Variants in YPEL3 observed in about 807,000 individuals in gnomAD.
YPEL3 encodes the protein protein yippee-like 3.
In YPEL3, 5 loss-of-function variants were observed where a neutral mutation model predicts 17.5. The observed-to-expected ratio is 0.29, with a 90% CI of 0.15 to 0.60. The LOEUF (loss-of-function observed/expected upper bound fraction) is 0.60. Among genes scored for constraint, YPEL3 ranks in the 20% least tolerant of loss-of-function variants. YPEL3 has a pLI of 0.87. For synonymous variants in YPEL3, 87 were observed against 87.2 expected, an observed-to-expected ratio of 1.00 and a Z score of 0.01; for missense variants, 155 against 211.4, an observed-to-expected ratio of 0.73 and a Z score of 1.65.
In YPEL3 at chr16:30,095,512, G is replaced by T. The variant is rs1596862651; in HGVS notation, c.-30C>A. 3 of 1,454,752 alleles carry T rather than the reference G, an allele frequency of 2.1e-6. No homozygotes were observed. The highest frequency in any genetic ancestry group is 2.7e-6 in the Non-Finnish European group (3 of 1,097,674). 90.1% of individuals were successfully genotyped at this position (1,454,752 alleles called of 1,614,324 possible). ...GGCACTCCCAGAGCCGTGGGGACTCGCTCTGTCACACTGGGCTGCTCTCTC... is the reference window on the plus strand; with the variant it reads ...GGCACTCCCAGAGCCGTGGGGACTCTCTCTGTCACACTGGGCTGCTCTCTC... On this transcript the variant is annotated 5_prime_UTR_variant, in exon 1 of 4. Transcript: ENST00000398841. The surrounding 1 kb of genome is among the most constrained non-coding windows in gnomAD (Gnocchi z 5.4).
Position 30,092,792 on chromosome 16 carries a change from G to A in YPEL3, c.392C>T (p.Ala131Val), listed in dbSNP as rs373399618. The change falls in exon 4 of 4, where the codon GCC becomes GTC. Residue 131 changes from alanine to valine, a missense_variant. Coordinates refer to ENST00000398841, the MANE Select transcript of YPEL3 (RefSeq NM_031477.5). ...TTTGTACTTCTGGCTGCTCTCAAAGGCCTGTTCCTGAAAGGAGGGGCGGGA... is the reference window on the plus strand; with the variant it reads ...TTTGTACTTCTGGCTGCTCTCAAAGACCTGTTCCTGAAAGGAGGGGCGGGA... ...KTTLGWKYEQ[A>V]FESSQKYKEG... 1 of 1,614,088 alleles carries A rather than the reference G, an allele frequency of 6.2e-7. No individual in the cohort carries two copies. The highest frequency in any genetic ancestry group is 1.1e-5 in the South Asian group (1 of 91,078).
intron 2 of YPEL3, 74 bp from the exon 3 acceptor site, chr16:30,094,971 C>T (rs1052999709): frequency 6.3e-7 from 1 of 1,598,254 alleles, no homozygotes; most frequent in Non-Finnish European, 8.6e-7. Flanking sequence ...CTGTGTCTGT[C>T]CTCAGCATCC....
Position 30,093,113 on chromosome 16 carries a change from T to C in YPEL3, c.385-314A>G, listed in dbSNP as rs1224100927. On this transcript the variant is annotated intron_variant, in intron 3 of 3. Coordinates refer to ENST00000398841, the MANE Select transcript of YPEL3 (RefSeq NM_031477.5). Reference sequence around the variant, plus strand: ...GTATTATGTTTGGACAGCAGACAGTTTAATAAAAATAACTTTAAAGTATTA... The same window carrying C: ...GTATTATGTTTGGACAGCAGACAGTCTAATAAAAATAACTTTAAAGTATTA... 2.6e-5 allele frequency among the ~76,000 whole-genome samples: 4 copies of C among 152,342 alleles called. No homozygotes were observed. The East Asian group carries it at 7.7e-4, about 29-fold the overall frequency.
intron 3 of YPEL3, 45 bp downstream of exon 3, chr16:30,094,740 TGGAA>T (rs1272594393): frequency 6.4e-7 from 1 of 1,555,646 alleles, no homozygotes. Context: ...GAGGAGGTGT[TGGAA>T]GGTCAGGTCA....
At chr16:30,093,274 G>GCACA (rs1304008369) in intron 3 of YPEL3, among the ~76,000 whole-genome samples, 3 of 152,018 alleles carry the variant, frequency 2.0e-5, no homozygotes, top group African/African-American at 7.2e-5. Flanking sequence ...TTGTTTGTTT[G>GCACA]GTTTTGAGAG....
At position 30,094,698 on chromosome 16, in the gene YPEL3, A is replaced by G; in HGVS notation, c.384+91T>C. ...GACTTGTGTGAGCTCGGCCTATGCA[A>G]TCTGAAAGGCTATAGGGTGACAGCT... On this transcript the variant is annotated intron_variant, in intron 3 of 3. Coordinates refer to ENST00000398841, the MANE Select transcript of YPEL3 (RefSeq NM_031477.5). 3 of 1,214,912 alleles carry G rather than the reference A, an allele frequency of 2.5e-6. No homozygotes were observed. The South Asian group carries it at 3.6e-5, about 15-fold the overall frequency. 75.3% of individuals were successfully genotyped at this position (1,214,912 alleles called of 1,614,324 possible). A position where few individuals can be genotyped will look rare whatever the true frequency, so the allele number is the denominator to read the frequency against.
Position 30,095,542 on chromosome 16 carries a change from C to T in YPEL3, c.-60G>A. 7.3e-7 allele frequency: 1 copy of T among 1,370,178 alleles called. No individual in the cohort carries two copies. The highest frequency in any genetic ancestry group is 9.7e-7 in the Non-Finnish European group (1 of 1,035,746). 84.9% of individuals were successfully genotyped at this position (1,370,178 alleles called of 1,614,324 possible). A position where few individuals can be genotyped will look rare whatever the true frequency, so the allele number is the denominator to read the frequency against. ...GTCACACTGGGCTGCTCTCTCCTTT[C>T]CCCAGAGCCAGCAGCCTCTCCGGGG... On this transcript the variant is annotated 5_prime_UTR_variant, in exon 1 of 4. Coordinates refer to ENST00000398841, the MANE Select transcript of YPEL3 (RefSeq NM_031477.5). This position sits in a 1 kb window ranked among gnomAD's most constrained non-coding sequence, Gnocchi z 5.4.
chr16:30,095,499 GC>G lies in YPEL3; in HGVS notation c.-18del. Reference sequence around the variant, plus strand: ...CACACACATGCGAGGCACTCCCAGAGCCGTGGGGACTCGCTCTGTCACACTG... The same window carrying G: ...CACACACATGCGAGGCACTCCCAGAGCGTGGGGACTCGCTCTGTCACACTG... On this transcript the variant is annotated 5_prime_UTR_variant, in exon 1 of 4. Coordinates refer to ENST00000398841, the MANE Select transcript of YPEL3 (RefSeq NM_031477.5). The surrounding 1 kb of genome is among the most constrained non-coding windows in gnomAD (Gnocchi z 5.4). 1 of 1,479,442 alleles carries G rather than the reference GC, an allele frequency of 6.8e-7. No individual in the cohort carries two copies. Among genetic ancestry groups the G allele is most frequent in the Non-Finnish European group, 9.0e-7 (1 of 1,113,716 alleles). The allele number at this position is 1,479,442 out of a possible 1,614,324, so 91.6% of individuals were successfully genotyped here. A position where few individuals can be genotyped will look rare whatever the true frequency, so the allele number is the denominator to read the frequency against.
Position 30,092,371 on chromosome 16 carries a change from C to A in YPEL3, c.*339G>T, listed in dbSNP as rs1274797439. On this transcript the variant is annotated 3_prime_UTR_variant, in exon 4 of 4. Coordinates refer to ENST00000398841, the MANE Select transcript of YPEL3 (RefSeq NM_031477.5). ...CGCTACAGAACGAGGGGGACAGACA[C>A]GCGTGGGGTAAGAAGGGCCTGGTGG... is the stretch of plus-strand genomic sequence containing the variant. 3.3e-6 allele frequency: 1 copy of A among 299,744 alleles called. No individual in the cohort carries two copies. The highest frequency in any genetic ancestry group is 6.4e-6 in the Non-Finnish European group (1 of 156,698). 18.6% of individuals were successfully genotyped at this position (299,744 alleles called of 1,614,324 possible). A position where few individuals can be genotyped will look rare whatever the true frequency, so the allele number is the denominator to read the frequency against.
At chr16:30,092,882 C>T in intron 3 of YPEL3, 83 bp from the exon 4 acceptor site, 1 of 1,205,838 alleles carries the variant, frequency 8.3e-7, no homozygotes, top group Non-Finnish European at 1.2e-6. Flanking sequence ...CATGAGTGGC[C>T]CCATTTTACA....
Position 30,095,637 on chromosome 16 carries a change from G to A in YPEL3, c.-155C>T, listed in dbSNP as rs1258453015. 6 of 655,210 alleles carry A rather than the reference G, an allele frequency of 9.2e-6. No individual in the cohort carries two copies. The highest frequency in any genetic ancestry group is 3.1e-5 in the Admixed American group (1 of 31,968). The allele number at this position is 655,210 out of a possible 1,614,324, so 40.6% of individuals were successfully genotyped here. ...GCATCCATGGGGAAACTGAGGCTCG[G>A]AGGTGCCCAGGGTGAGTCACCCGCC... On this transcript the variant is annotated 5_prime_UTR_variant, in exon 1 of 4. Coordinates refer to ENST00000398841, the MANE Select transcript of YPEL3 (RefSeq NM_031477.5). The surrounding 1 kb of genome is among the most constrained non-coding windows in gnomAD (Gnocchi z 5.4).
Position 30,095,498 on chromosome 16 carries a change from AGCCGTGGGGACT to A in YPEL3, c.-28_-17del. 6.8e-7 allele frequency: 1 copy of A among 1,479,534 alleles called. No individual in the cohort carries two copies. Among genetic ancestry groups the A allele is most frequent in the Non-Finnish European group, 9.0e-7 (1 of 1,113,730 alleles). The allele number at this position is 1,479,534 out of a possible 1,614,324, so 91.7% of individuals were successfully genotyped here. ...CCACACACATGCGAGGCACTCCCAG[AGCCGTGGGGACT>A]CGCTCTGTCACACTGGGCTGCTCTC... On this transcript the variant is annotated 5_prime_UTR_variant, in exon 1 of 4. Coordinates refer to ENST00000398841, the MANE Select transcript of YPEL3 (RefSeq NM_031477.5). The surrounding 1 kb of genome is among the most constrained non-coding windows in gnomAD (Gnocchi z 5.4).
chr16:30,094,672 T>C (rs2072773963), intron 3 of YPEL3, 117 bp downstream of exon 3: 2 of 961,752 alleles, frequency 2.1e-6, no homozygotes, highest in East Asian at 4.9e-5. Context: ...TCAGGGATGC[T>C]GACTTGTGTG....
At chr16:30,093,816 C>G (rs1191930921) in intron 3 of YPEL3, 1 of 151,070 alleles carries the variant, frequency 6.6e-6, no homozygotes, top group African/African-American at 2.4e-5. Flanking sequence ...TCTCAATCTC[C>G]TGACCTTGTG....
intron 3 of YPEL3, chr16:30,094,526 C>T: frequency 4.0e-6 from 2 of 505,794 alleles, no homozygotes; most frequent in Non-Finnish European, 7.2e-6. Context: ...CAGTGCAAGG[C>T]ACATAAACAT....
In YPEL3 at chr16:30,092,659, C is replaced by T; in HGVS notation, c.*51G>A. On this transcript the variant is annotated 3_prime_UTR_variant, in exon 4 of 4. Transcript: ENST00000398841. ...TTCGGGTGGCGGGAAGCCAGTGGCG[C>T]TCCCTGGCGGCCAGGCCGGGCTGGA... 6.3e-7 allele frequency: 1 copy of T among 1,588,812 alleles called. No individual in the cohort carries two copies. The highest frequency in any genetic ancestry group is 8.6e-7 in the Non-Finnish European group (1 of 1,158,788).
chr16:30,093,513 A>T (rs1018145855), intron 3 of YPEL3, among the ~76,000 whole-genome samples: 1 of 151,980 alleles, frequency 6.6e-6, no homozygotes, highest in East Asian at 1.9e-4. Context: ...CACCTGCCTC[A>T]GACTCCCAAA....
rs2072739644 is a variant in YPEL3 at position 30,092,367 on chromosome 16, G to A, written c.*343C>T. 3.4e-6 allele frequency: 1 copy of A among 294,496 alleles called. No homozygotes were observed. Among genetic ancestry groups the A allele is most frequent in the South Asian group, 5.5e-5 (1 of 18,072 alleles). 18.2% of individuals were successfully genotyped at this position (294,496 alleles called of 1,614,324 possible). A position where few individuals can be genotyped will look rare whatever the true frequency, so the allele number is the denominator to read the frequency against. On this transcript the variant is annotated 3_prime_UTR_variant, in exon 4 of 4. Transcript: ENST00000398841. ...CAAACGCTACAGAACGAGGGGGACAGACACGCGTGGGGTAAGAAGGGCCTG... is the reference window on the plus strand; with the variant it reads ...CAAACGCTACAGAACGAGGGGGACAAACACGCGTGGGGTAAGAAGGGCCTG...
In YPEL3 at chr16:30,095,351, C is replaced by T; in HGVS notation, c.132G>A (p.Lys44=). The T allele has an allele frequency of 6.2e-7, 1 of 1,614,192 alleles. No homozygotes were observed. Among genetic ancestry groups the T allele is most frequent in the Non-Finnish European group, 8.5e-7 (1 of 1,180,026 alleles). ...CCAAGTAGGCCTGAAACGTCTTGGGCTTTGAAATCCGCACCATGGCGGGGG... is the reference window on the plus strand; with the variant it reads ...CCAAGTAGGCCTGAAACGTCTTGGGTTTTGAAATCCGCACCATGGCGGGGG... ...PPAPAMVRIS[K]PKTFQAYLDD... is the part of the protein sequence containing the mutation. The change falls in exon 1 of 4, where the codon AAG becomes AAA. Residue 44 remains lysine, a synonymous_variant. Transcript: ENST00000398841. The surrounding 1 kb of genome is among the most constrained non-coding windows in gnomAD (Gnocchi z 5.4).
Sources: gnomAD v4.1 joint callset for allele counts (sites outside exome capture counted in the v4.1 genomes callset) on GRCh38, gnomAD v4.1.1 for gene constraint, Gnocchi (gnomAD v3.1) non-coding constraint, MANE v1.5 for transcripts, NCBI Gene and HGNC (gene_info 2026-07-23, HGNC 2026-07-21) for gene names.